The following NF1 variants were observed in gnomAD, a reference collection of about 807,000 sequenced individuals.
NF1 encodes the protein neurofibromin 1.
Under a neutral mutation model 325.7 loss-of-function variants are expected in NF1, and 122 were observed. The observed-to-expected ratio is 0.37, with a 90% CI of 0.32 to 0.44. The LOEUF (loss-of-function observed/expected upper bound fraction) is 0.44, where lower values mean the gene tolerates loss of function less well. NF1 is among the 20% of genes least tolerant of loss of function. The pLI is 1.00. For synonymous variants in NF1, 1,091 were observed against 1,186.0 expected, an observed-to-expected ratio of 0.92 and a Z score of 1.65; for missense variants, 2,140 against 3,415.4, an observed-to-expected ratio of 0.63 and a Z score of 9.31.
chr17:31,097,081 G>GT (rs1433037267), intron 1 of NF1, among the ~76,000 whole-genome samples: 1 of 152,072 alleles, frequency 6.6e-6, no homozygotes, highest in East Asian at 1.9e-4. Context: ...ATTTTTTTCA[G>GT]TTTTTTCTTA....
chr17:31,234,649 C>T (rs17885727), intron 27 of NF1, among the ~76,000 whole-genome samples: 1,225 of 113,988 alleles, frequency 0.011, 26 homozygotes, highest in African/African-American at 0.039. Context: ...CCAGCCTGGG[C>T]GACAGAGCGA....
chr17:31,297,764 T>TA (rs2068496848), intron 36 of NF1, among the ~76,000 whole-genome samples: 1 of 152,178 alleles, frequency 6.6e-6, no homozygotes, highest in Non-Finnish European at 1.5e-5. Context: ...TGGTGATTAT[T>TA]ATGTTTAATC....
intron 8 of NF1, among the ~76,000 whole-genome samples, chr17:31,188,907 A>G (rs2066289308): frequency 6.6e-6 from 1 of 152,196 alleles, no homozygotes; most frequent in Non-Finnish European, 1.5e-5. Context: ...CTCACCCTGC[A>G]GACAGCCTAT....
At chr17:31,310,229 G>A (rs1333936846) in intron 36 of NF1, among the ~76,000 whole-genome samples, 1 of 151,794 alleles carries the variant, frequency 6.6e-6, no homozygotes, top group Non-Finnish European at 1.5e-5. Context: ...TAATATAAAA[G>A]GCAATGCAAA....
chr17:31,211,870 AT>A (rs1352973468), intron 12 of NF1, among the ~76,000 whole-genome samples: 2 of 152,148 alleles, frequency 1.3e-5, no homozygotes, highest in Non-Finnish European at 2.9e-5. Flanking sequence ...TAGACTTAAA[AT>A]TTTTTTAAAT....
intron 1 of NF1, among the ~76,000 whole-genome samples, chr17:31,105,662 G>A (rs1912792784): frequency 6.6e-6 from 1 of 152,110 alleles, no homozygotes; most frequent in African/African-American, 2.4e-5. Flanking sequence ...TGACAGGCAT[G>A]CGCCACCATG....
intron 27 of NF1, among the ~76,000 whole-genome samples, chr17:31,235,150 T>C (rs1300972115): frequency 6.6e-6 from 1 of 152,214 alleles, no homozygotes; most frequent in Non-Finnish European, 1.5e-5. Flanking sequence ...GTTTTTGTTG[T>C]GTCTCTGCCT....
In NF1 at chr17:31,229,826, T is replaced by C; in HGVS notation, c.2851-9T>C. 1 of 1,611,688 alleles carries C rather than the reference T, an allele frequency of 6.2e-7. No homozygotes were observed. Among genetic ancestry groups the C allele is most frequent in the Non-Finnish European group, 8.5e-7 (1 of 1,179,588 alleles). On this transcript the variant is annotated splice_polypyrimidine_tract_variant and intron_variant, in intron 21 of 57. Coordinates refer to ENST00000358273, the MANE Select transcript of NF1 (RefSeq NM_001042492.3). ...TGGCAAATCATTAATGTATTTGTTC[T>C]TTCTTTAGGTTTTATTGACTGATAC...
At chr17:31,370,132 C>A (rs1354838456) in intron 57 of NF1, among the ~76,000 whole-genome samples, 1 of 152,036 alleles carries the variant, frequency 6.6e-6, no homozygotes, top group East Asian at 1.9e-4. Flanking sequence ...GTGATTTATA[C>A]AGTTGGGTCA....
chr17:31,280,931 T>C (rs1294006559), intron 36 of NF1, among the ~76,000 whole-genome samples: 2 of 152,032 alleles, frequency 1.3e-5, no homozygotes, highest in Admixed American at 6.6e-5. Context: ...ATACTGTGAA[T>C]GGAAAATCAA....
chr17:31,313,199 AC>A (rs1467296846), intron 36 of NF1, among the ~76,000 whole-genome samples: 1 of 152,204 alleles, frequency 6.6e-6, no homozygotes, highest in African/African-American at 2.4e-5. Context: ...GACCATTCTT[AC>A]TATGCAAACT....
rs200652866 is a variant in NF1, at chr17:31,201,021, G to T, written c.1063-16G>T. On this transcript the variant is annotated splice_polypyrimidine_tract_variant and intron_variant, in intron 9 of 57. Transcript: ENST00000358273. The stretch of plus-strand genomic sequence containing the variant: ...GGGTATTTAAAGGCTTTTGTTTTCT[G>T]TTGGGGTTTTTATAGAACCTGCTTT... 22 of 1,612,782 alleles carry T rather than the reference G, an allele frequency of 1.4e-5. No individual in the cohort carries two copies. The highest frequency in any genetic ancestry group is 1.8e-5 in the Non-Finnish European group (21 of 1,179,856).
At chr17:31,185,493 G>A (rs1045160193) in intron 8 of NF1, among the ~76,000 whole-genome samples, 2 of 152,144 alleles carry the variant, frequency 1.3e-5, no homozygotes, top group Non-Finnish European at 2.9e-5. Flanking sequence ...AAATAAATCC[G>A]AGTAAAACTT....
chr17:31,125,260 A>G (rs376945498), intron 1 of NF1, among the ~76,000 whole-genome samples: 15 of 152,008 alleles, frequency 9.9e-5, no homozygotes, highest in East Asian at 9.6e-4. Flanking sequence ...AATCTATGGT[A>G]TTGTATGCAG....
intron 24 of NF1, among the ~76,000 whole-genome samples, chr17:31,231,831 G>A (rs1468858276): frequency 2.6e-5 from 4 of 151,910 alleles, no homozygotes; most frequent in Admixed American, 2.6e-4. Context: ...ATTTAAGGTA[G>A]CCATTTTGCC....
intron 5 of NF1, among the ~76,000 whole-genome samples, chr17:31,174,817 C>G (rs1407624737): frequency 6.6e-6 from 1 of 151,724 alleles, no homozygotes; most frequent in Non-Finnish European, 1.5e-5. Flanking sequence ...GCATATAGAG[C>G]CATCAAAAAT....
chr17:31,319,128 A>C (rs1003199634), intron 36 of NF1: 28 of 1,199,398 alleles, frequency 2.3e-5, no homozygotes, highest in Non-Finnish European at 3.1e-5. Flanking sequence ...AGTAAACTAC[A>C]AGCTTATGCC....
At chr17:31,124,891 G>T (rs1345546179) in intron 1 of NF1, among the ~76,000 whole-genome samples, 1 of 151,054 alleles carries the variant, frequency 6.6e-6, no homozygotes, top group Non-Finnish European at 1.5e-5. Context: ...GTGAGCCACC[G>T]TGCCTGGCCT....
intron 1 of NF1, chr17:31,138,658 A>G (rs7207207): frequency 0.11 from 16,328 of 150,384 alleles, 2,583 homozygotes; most frequent in African/African-American, 0.35. Flanking sequence ...CAGTGGTGCA[A>G]TCTCGGCTCA....
Sources: allele counts gnomAD v4.1 joint callset (sites outside exome capture counted in the v4.1 genomes callset), GRCh38; gene constraint gnomAD v4.1.1; transcripts MANE v1.5; gene names NCBI Gene and HGNC (gene_info 2026-07-23, HGNC 2026-07-21).